The following PDZK1IP1 variants were observed in gnomAD, a reference collection of about 807,000 sequenced individuals.
PDZK1IP1 encodes PDZK1-interacting protein 1.
In PDZK1IP1, 9 loss-of-function variants were observed where a neutral mutation model predicts 14.7. The observed-to-expected ratio is 0.61, with a 90% CI of 0.37 to 1.07. The LOEUF (loss-of-function observed/expected upper bound fraction) is 1.07, where lower values mean the gene tolerates loss of function less well. PDZK1IP1 is among the 50% of genes least tolerant of loss of function. The probability of loss-of-function intolerance (pLI) is 0.01; values close to 1 mark genes in which losing one functional copy is unlikely to be tolerated. For missense variants in PDZK1IP1, 152 were observed against 148.7 expected (o/e 1.02, Z -0.11); for synonymous variants, 70 against 61.2 (o/e 1.14, Z -0.67).
In PDZK1IP1 at chr1:47,189,844, C is replaced by T. The variant is rs777816632; in HGVS notation, c.67+22G>A. ...TGTCCACCCCTGGGTCTCCCGTGCC[C>T]AGCCCTCTCCTCCTGAGCTACCTTG... On this transcript the variant is annotated intron_variant, in intron 1 of 3. Coordinates refer to ENST00000294338, the MANE Select transcript of PDZK1IP1 (RefSeq NM_005764.4). The T allele has an allele frequency of 6.4e-6, 10 of 1,574,046 alleles. No homozygotes were observed. The South Asian group carries it at 1.0e-4, about 16-fold the overall frequency.
chr1:47,187,096 G>A (rs2148573142), intron 2 of PDZK1IP1, among the ~76,000 whole-genome samples: 1 of 152,318 alleles, frequency 6.6e-6, no homozygotes, highest in African/African-American at 2.4e-5. Context: ...GAGCTGTGGG[G>A]CCCACAGTGC....
intron 2 of PDZK1IP1, among the ~76,000 whole-genome samples, 183 bp downstream of exon 2, chr1:47,187,136 C>G (rs540655556): frequency 6.6e-6 from 1 of 152,344 alleles, no homozygotes; most frequent in South Asian, 2.1e-4. Context: ...AGCCTAGGCT[C>G]TCATTCCCTC....
In PDZK1IP1 at chr1:47,183,737, G is replaced by C; in HGVS notation, c.*234C>G. On this transcript the variant is annotated 3_prime_UTR_variant, in exon 4 of 4. Transcript: ENST00000294338. ...GCTCAGCTGACTGTCCTCTCCAGAA[G>C]GCTCTTCTGAGCTGAGCAGGAGACC... 1.7e-6 allele frequency: 1 copy of C among 579,676 alleles called. No individual in the cohort carries two copies. Among genetic ancestry groups the C allele is most frequent in the East Asian group, 2.8e-5 (1 of 35,264 alleles). 35.9% of individuals were successfully genotyped at this position (579,676 alleles called of 1,614,324 possible).
chr1:47,184,952 C>T (rs1645309752), intron 3 of PDZK1IP1, 50 bp downstream of exon 3: 25 of 1,445,254 alleles, frequency 1.7e-5, no homozygotes, highest in Non-Finnish European at 2.4e-5. Flanking sequence ...TCTTGAGATT[C>T]TCCTTAGGCC....
intron 1 of PDZK1IP1, 28 bp downstream of exon 1, chr1:47,189,838 C>A: frequency 2.6e-6 from 4 of 1,559,794 alleles, no homozygotes; most frequent in East Asian, 2.3e-5. Context: ...CTGGGTCTCC[C>A]GTGCCCAGCC....
At chr1:47,189,796 G>C in intron 1 of PDZK1IP1, 70 bp downstream of exon 1, 1 of 1,203,038 alleles carries the variant, frequency 8.3e-7, no homozygotes, top group Non-Finnish European at 1.1e-6. Context: ...CAAGGCCCTG[G>C]GGAGGGGAGC....
At chr1:47,184,545 AG>A (rs1557660551) in intron 3 of PDZK1IP1, among the ~76,000 whole-genome samples, 5 of 111,994 alleles carry the variant, frequency 4.5e-5, no homozygotes, top group East Asian at 3.4e-4. Context: ...TCCCCCACTG[AG>A]CTCCATCCCC....
chr1:47,187,565 G>A, intron 1 of PDZK1IP1, 138 bp from the exon 2 acceptor site: 1 of 674,870 alleles, frequency 1.5e-6, no homozygotes, highest in Non-Finnish European at 2.6e-6. Flanking sequence ...GAGACATTGT[G>A]GGGAGGCAGG....
rs138544911 is a variant in PDZK1IP1, at chr1:47,187,835, C to G, written c.68-408G>C. ...TAGGCCTTGCAGCTGGGAGTGGCTC[C>G]CAGAAGGCTGAGGAGGACCCACAGC... is the stretch of plus-strand genomic sequence containing the variant. On this transcript the variant is annotated intron_variant, in intron 1 of 3. Coordinates refer to ENST00000294338, the MANE Select transcript of PDZK1IP1 (RefSeq NM_005764.4). Among the ~76,000 whole-genome samples, 719 of 152,282 alleles carry G rather than the reference C, an allele frequency of 4.7e-3. 3 individuals are homozygous for G. The highest frequency in any genetic ancestry group is 0.017 in the Middle Eastern group (5 of 294).
intron 1 of PDZK1IP1, among the ~76,000 whole-genome samples, chr1:47,187,918 T>TGGTAGGAAG (rs1645330222): frequency 1.3e-5 from 2 of 152,148 alleles, no homozygotes; most frequent in African/African-American, 4.8e-5. Flanking sequence ...GTTTCTCTGA[T>TGGTAGGAAG]GGTAGGAAGG....
At position 47,185,120 on chromosome 1, in the gene PDZK1IP1, G is replaced by A. The variant is rs199655173; in HGVS notation, c.177-23C>T. ...TCCCTGGGGATGGGATTCATCAGTG[G>A]GGCTCCTCAGTGGGGCCCCCCTCGT... On this transcript the variant is annotated intron_variant, in intron 2 of 3. Coordinates refer to ENST00000294338, the MANE Select transcript of PDZK1IP1 (RefSeq NM_005764.4). The A allele has an allele frequency of 8.6e-5, 137 of 1,600,826 alleles. No individual in the cohort carries two copies. The African/African-American group carries it at 1.7e-3, about 20-fold the overall frequency.
chr1:47,184,102 C>G, intron 3 of PDZK1IP1, 59 bp from the exon 4 acceptor site: 1 of 1,285,662 alleles, frequency 7.8e-7, no homozygotes, highest in Non-Finnish European at 1.1e-6. Context: ...ATCCCCTTCT[C>G]CCTGCCCCTT....
chr1:47,189,571 G>A (rs1569856059), intron 1 of PDZK1IP1, among the ~76,000 whole-genome samples: 1 of 152,142 alleles, frequency 6.6e-6, no homozygotes, highest in South Asian at 2.1e-4. Context: ...GTACCCCCGG[G>A]TCCCCTGTAC....
chr1:47,186,185 G>C (rs1434969450), intron 2 of PDZK1IP1, among the ~76,000 whole-genome samples: 1 of 152,096 alleles, frequency 6.6e-6, no homozygotes, highest in Non-Finnish European at 1.5e-5. Flanking sequence ...TCAGGCACCT[G>C]TAATCCCAGC....
intron 1 of PDZK1IP1, among the ~76,000 whole-genome samples, chr1:47,189,081 C>A (rs1452156267): frequency 6.6e-6 from 1 of 150,642 alleles, no homozygotes; most frequent in Non-Finnish European, 1.5e-5. Flanking sequence ...CTCTGGTCTG[C>A]AGTTCCCCAG....
At chr1:47,187,580 G>A (rs1199850298) in intron 1 of PDZK1IP1, among the ~76,000 whole-genome samples, 153 bp from the exon 2 acceptor site, 1 of 152,200 alleles carries the variant, frequency 6.6e-6, no homozygotes, top group African/African-American at 2.4e-5. Flanking sequence ...GGCAGGGGTG[G>A]GATACAGCCC....
intron 1 of PDZK1IP1, 139 bp downstream of exon 1, chr1:47,189,727 T>C: frequency 1.7e-6 from 1 of 571,982 alleles, no homozygotes; most frequent in Non-Finnish European, 2.9e-6. Context: ...CAGAGGTCTC[T>C]GCCTTGGGAC....
In PDZK1IP1 at chr1:47,187,371, C is replaced by G; in HGVS notation, c.124G>C (p.Val42Leu). Reference protein sequence around the residue: ...QGLIAVAVFLVLVAIAFAVNH... With the variant: ...QGLIAVAVFLLLVAIAFAVNH... ...ACTGCAAAGGCGATTGCAACGAGGA[C>G]CAGGAACACGGCCACCGCGATAAGG... The change falls in exon 2 of 4, where the codon GTC becomes CTC. Residue 42 changes from valine (V) to leucine (L), a missense_variant. By Grantham distance (32) the Val-to-Leu change is conservative. Coordinates refer to ENST00000294338, the MANE Select transcript of PDZK1IP1 (RefSeq NM_005764.4). 6.2e-7 allele frequency: 1 copy of G among 1,612,844 alleles called. No homozygotes were observed. The highest frequency in any genetic ancestry group is 8.5e-7 in the Non-Finnish European group (1 of 1,179,956).
chr1:47,184,951 T>C, intron 3 of PDZK1IP1, 51 bp downstream of exon 3: 1 of 1,440,684 alleles, frequency 6.9e-7, no homozygotes, highest in Non-Finnish European at 9.8e-7. Context: ...GTCTTGAGAT[T>C]CTCCTTAGGC....
Sources: gnomAD v4.1 joint callset for allele counts (sites outside exome capture counted in the v4.1 genomes callset) on GRCh38, gnomAD v4.1.1 for gene constraint, MANE v1.5 for transcripts, NCBI Gene and HGNC (gene_info 2026-07-23, HGNC 2026-07-21) for gene names.